TAB2: variants seen among roughly 807,000 people sequenced by gnomAD.
TAB2 encodes the protein TGF-beta-activated kinase 1 and MAP3K7-binding protein 2.
In TAB2, 3 loss-of-function variants were observed where a neutral mutation model predicts 65.0. The ratio of observed to expected loss-of-function variants is 0.05; its 90% confidence interval spans 0.02 to 0.12. The LOEUF (loss-of-function observed/expected upper bound fraction) is 0.12. Among genes scored for constraint, TAB2 ranks in the 10% least tolerant of loss-of-function variants. The probability of loss-of-function intolerance (pLI) is 1.00; values close to 1 mark genes in which losing one functional copy is unlikely to be tolerated. For synonymous variants in TAB2, 298 were observed against 285.1 expected, an observed-to-expected ratio of 1.05 and a Z score of -0.46; for missense variants, 623 against 840.3, an observed-to-expected ratio of 0.74 and a Z score of 3.20.
intron 1 of TAB2, among the ~76,000 whole-genome samples, chr6:149,280,323 C>T (rs1193553730): frequency 6.6e-6 from 1 of 152,156 alleles, no homozygotes; most frequent in Non-Finnish European, 1.5e-5. Context: ...CTTATAAATA[C>T]AGTCATTACT....
chr6:149,276,393 G>A (rs1778475415), intron 1 of TAB2, among the ~76,000 whole-genome samples: 1 of 152,136 alleles, frequency 6.6e-6, no homozygotes, highest in Admixed American at 6.5e-5. Flanking sequence ...ATATTAATGT[G>A]CTAGCGATGA....
In TAB2 at chr6:149,384,335, A is replaced by G. The variant is rs1281960935; in HGVS notation, c.1603+4817A>G. ...GTCAAAAGTGAAAATTTGTTTATGA[A>G]AGGTATATTGTTTAATACATCCTCT... On this transcript the variant is annotated intron_variant, in intron 3 of 6. Transcript: ENST00000637181. Among the ~76,000 whole-genome samples the G allele has an allele frequency of 3.3e-5, 5 of 152,348 alleles. No homozygotes were observed. The East Asian group carries it at 9.6e-4, about 29-fold the overall frequency.
intron 1 of TAB2, among the ~76,000 whole-genome samples, chr6:149,276,146 T>G (rs555456143): frequency 7.2e-5 from 11 of 152,280 alleles, no homozygotes; most frequent in African/African-American, 2.2e-4. Flanking sequence ...CTTCACAACT[T>G]TTCTGTAAAT....
chr6:149,336,285 G>C (rs1427262078), intron 1 of TAB2, among the ~76,000 whole-genome samples: 1 of 152,168 alleles, frequency 6.6e-6, no homozygotes, highest in Non-Finnish European at 1.5e-5. Flanking sequence ...TTAAATAGGA[G>C]TATCTAGGTT....
At chr6:149,278,904 C>A (rs536737362) in intron 1 of TAB2, among the ~76,000 whole-genome samples, 16 of 152,014 alleles carry the variant, frequency 1.1e-4, no homozygotes, top group African/African-American at 3.9e-4. Flanking sequence ...CACGATGAAA[C>A]CCCATCCCAC....
rs59196897 is a variant in TAB2, at chr6:149,281,555, C to CAAAAAAAAAAAAAAAAAA, written c.-121+62788_-121+62805dup. ...TGAACAACACAGCAAGATGCCATCT[C>CAAAAAAAAAAAAAAAAAA]AAAAAAAAAAAAAAAAAAAAAAAAA... On this transcript the variant is annotated intron_variant, in intron 1 of 1. Transcript: ENST00000606202. 3.3e-4 allele frequency among the ~76,000 whole-genome samples: 23 copies of CAAAAAAAAAAAAAAAAAA among 70,338 alleles called. 7 individuals carry two copies. Among genetic ancestry groups the CAAAAAAAAAAAAAAAAAA allele is most frequent in the African/African-American group, 1.1e-3 (21 of 19,642 alleles). 46.1% of individuals were successfully genotyped at this position (70,338 alleles called of 152,430 possible). A position where few individuals can be genotyped will look rare whatever the true frequency, so the allele number is the denominator to read the frequency against.
chr6:149,225,648 G>A (rs1339717855), intron 1 of TAB2, among the ~76,000 whole-genome samples: 1 of 151,996 alleles, frequency 6.6e-6, no homozygotes, highest in African/African-American at 2.4e-5. Context: ...AATTTTATTT[G>A]TCCCATAGCC....
intron 1 of TAB2, among the ~76,000 whole-genome samples, chr6:149,237,652 A>G (rs1299443745): frequency 3.9e-5 from 6 of 152,124 alleles, no homozygotes; most frequent in Non-Finnish European, 7.4e-5. Flanking sequence ...GCCTCACCTC[A>G]GTGGCTGGCA....
chr6:149,222,103 G>A (rs1038913322), intron 1 of TAB2, among the ~76,000 whole-genome samples: 8 of 152,112 alleles, frequency 5.3e-5, no homozygotes, highest in Admixed American at 2.6e-4. Context: ...TCTCTAACCC[G>A]GAACAGCCAT....
chr6:149,261,728 G>A (rs1443638314), intron 1 of TAB2, among the ~76,000 whole-genome samples: 1 of 152,178 alleles, frequency 6.6e-6, no homozygotes, highest in African/African-American at 2.4e-5. Context: ...GAGAAACGAG[G>A]GATCATGTCT....
At chr6:149,254,023 AAAAG>A (rs1363771397) in intron 1 of TAB2, among the ~76,000 whole-genome samples, 30 of 137,334 alleles carry the variant, frequency 2.2e-4, no homozygotes, top group Middle Eastern at 3.5e-3. Flanking sequence ...AGAAAGAAAG[AAAAG>A]AAAGAAAGAG....
chr6:149,342,377 G>C (rs1780157443), intron 1 of TAB2, among the ~76,000 whole-genome samples: 1 of 152,132 alleles, frequency 6.6e-6, no homozygotes, highest in African/African-American at 2.4e-5. Flanking sequence ...TTCTGTTAGA[G>C]TTACTCTGTG....
intron 1 of TAB2, among the ~76,000 whole-genome samples, chr6:149,331,458 A>G (rs1213722269): frequency 6.6e-6 from 1 of 152,072 alleles, no homozygotes. Flanking sequence ...TTTATTTTGT[A>G]GATTCATTGG....
chr6:149,326,318 A>T lies in TAB2; in HGVS notation c.-90+8303A>T, dbSNP rs1269056302. Among the ~76,000 whole-genome samples the T allele has an allele frequency of 5.3e-5, 8 of 150,906 alleles. No homozygotes were observed. In the South Asian group the frequency reaches 1.7e-3, roughly 32 times the overall value. Reference sequence around the variant, plus strand: ...CAGTTTAAAAAAGTCATTGCATTTTATTAAGTTCATAGGCTTAGCACATTC... The same window carrying T: ...CAGTTTAAAAAAGTCATTGCATTTTTTTAAGTTCATAGGCTTAGCACATTC... On this transcript the variant is annotated intron_variant, in intron 1 of 6. Transcript: ENST00000637181.
At chr6:149,297,306 G>A (rs1778892934) in intron 1 of TAB2, among the ~76,000 whole-genome samples, 1 of 152,094 alleles carries the variant, frequency 6.6e-6, no homozygotes, top group South Asian at 2.1e-4. Context: ...TTAAATTCAG[G>A]ATCCAATCAA....
rs368960906 is a variant in TAB2 at position 149,291,425 on chromosome 6, G to A, written c.-121+72649G>A. ...AGGTGAGAGGATCGCTTGAGCACAAGAGATCTGGGCCATAGTGCTCTAAAC... is the reference window on the plus strand; with the variant it reads ...AGGTGAGAGGATCGCTTGAGCACAAAAGATCTGGGCCATAGTGCTCTAAAC... On this transcript the variant is annotated intron_variant, in intron 1 of 1. Coordinates refer to the TAB2 transcript ENST00000606202. 5.9e-5 allele frequency: 9 copies of A among 152,238 alleles called. No individual in the cohort carries two copies. In the East Asian group the frequency reaches 1.5e-3, roughly 26 times the overall value. The allele number at this position is 152,238 out of a possible 1,614,324, so 9.4% of individuals were successfully genotyped here. A position where few individuals can be genotyped will look rare whatever the true frequency, so the allele number is the denominator to read the frequency against.
rs1489902915 is a variant in TAB2, at chr6:149,370,108, TC to T, written c.102+10del. On this transcript the variant is annotated intron_variant, in intron 2 of 6. Coordinates refer to ENST00000637181, the MANE Select transcript of TAB2 (RefSeq NM_001292034.3). Reference sequence around the variant, plus strand: ...CCAGGTGCATGTTACAGGTCAGTGTTCAATGATTTCTGAATTTGTTAATACA... The same window carrying T: ...CCAGGTGCATGTTACAGGTCAGTGTTAATGATTTCTGAATTTGTTAATACA... The T allele has an allele frequency of 1.2e-5, 20 of 1,609,870 alleles. No homozygotes were observed. Among genetic ancestry groups the T allele is most frequent in the Non-Finnish European group, 1.7e-5 (20 of 1,176,334 alleles).
intron 1 of TAB2, among the ~76,000 whole-genome samples, chr6:149,262,397 G>T (rs553342575): frequency 6.6e-6 from 1 of 152,172 alleles, no homozygotes; most frequent in Admixed American, 6.5e-5. Context: ...GCTGGGCGTG[G>T]TGGTGGGTGC....
chr6:149,253,958 A>AAAAGAAAGAAAG lies in TAB2; in HGVS notation c.-121+35238_-121+35249dup, dbSNP rs545364740. 6.9e-3 allele frequency among the ~76,000 whole-genome samples: 524 copies of AAAAGAAAGAAAG among 76,350 alleles called. 6 individuals are homozygous for AAAAGAAAGAAAG. Among genetic ancestry groups the AAAAGAAAGAAAG allele is most frequent in the Middle Eastern group, 0.013 (2 of 154 alleles). 50.1% of individuals were successfully genotyped at this position (76,350 alleles called of 152,430 possible). ...AGAAAGAAAGAGAAAGAAAGAAAGAAAAAGAAAGAAAGAAAGAAAGAAAGA... is the reference window on the plus strand; with the variant it reads ...AGAAAGAAAGAGAAAGAAAGAAAGAAAAAGAAAGAAAGAAAGAAAGAAAGAAAGAAAGAAAGA... On this transcript the variant is annotated intron_variant, in intron 1 of 1. Coordinates refer to the TAB2 transcript ENST00000606202.
Sources: gnomAD v4.1 joint callset for allele counts (sites outside exome capture counted in the v4.1 genomes callset) on GRCh38, gnomAD v4.1.1 for gene constraint, MANE v1.5 for transcripts, NCBI Gene and HGNC (gene_info 2026-07-23, HGNC 2026-07-21) for gene names.